The following MGAT5 variants were observed in gnomAD, a reference collection of about 807,000 sequenced individuals.
MGAT5 encodes the protein alpha-1,6-mannosylglycoprotein 6-beta-N-acetylglucosaminyltransferase.
Under a neutral mutation model 94.3 loss-of-function variants are expected in MGAT5, and 30 were observed. The observed-to-expected ratio is 0.32, with a 90% CI of 0.24 to 0.43. MGAT5 has a LOEUF of 0.43. Among genes scored for constraint, MGAT5 ranks in the 20% least tolerant of loss-of-function variants. The pLI is 1.00. For missense variants in MGAT5, 691 were observed against 905.5 expected, an observed-to-expected ratio of 0.76 and a Z score of 3.04; for synonymous variants, 310 against 322.9, an observed-to-expected ratio of 0.96 and a Z score of 0.43.
intron 1 of MGAT5, among the ~76,000 whole-genome samples, chr2:134,236,955 A>T (rs143790563): frequency 2.9e-4 from 44 of 152,294 alleles, no homozygotes; most frequent in African/African-American, 1.0e-3. Flanking sequence ...TATAGTTTTC[A>T]TCCTGTGGAA....
rs150111645 is a variant in MGAT5 at position 134,429,204 on chromosome 2, G to A, written c.1869+765G>A. Among the ~76,000 whole-genome samples, 53 of 152,344 alleles carry A rather than the reference G, an allele frequency of 3.5e-4. No homozygotes were observed. The East Asian group carries it at 8.9e-3, about 26-fold the overall frequency. On this transcript the variant is annotated intron_variant, in intron 14 of 15. Transcript: ENST00000281923. ...GGGATCTTTACACAATAGGGGATGA[G>A]GATGGTGCAAGCTGAAAATAGAAAT...
intron 1 of MGAT5, among the ~76,000 whole-genome samples, chr2:134,164,848 A>C (rs1687893244): frequency 6.6e-6 from 1 of 151,984 alleles, no homozygotes; most frequent in African/African-American, 2.4e-5. Context: ...TCAAAAAAAA[A>C]AAACCAAACC....
intron 7 of MGAT5, among the ~76,000 whole-genome samples, chr2:134,342,255 T>C (rs1688675534): frequency 1.3e-5 from 2 of 152,180 alleles, no homozygotes; most frequent in African/African-American, 4.8e-5. Flanking sequence ...CTTGGGTTTT[T>C]CATTTCACTG....
intron 1 of MGAT5, among the ~76,000 whole-genome samples, chr2:134,140,027 G>T (rs1686588883): frequency 6.6e-6 from 1 of 152,208 alleles, no homozygotes; most frequent in Non-Finnish European, 1.5e-5. Context: ...AAACTTGCTG[G>T]TGATGAAGAA....
upstream of MGAT5, among the ~76,000 whole-genome samples, chr2:134,250,814 G>T (rs768745547): frequency 6.6e-6 from 1 of 152,204 alleles, no homozygotes; most frequent in Non-Finnish European, 1.5e-5. Context: ...TCTGAACTGG[G>T]ATAATTTTAC....
At chr2:134,190,010 A>AT (rs1689288848) in intron 1 of MGAT5, among the ~76,000 whole-genome samples, 2 of 152,134 alleles carry the variant, frequency 1.3e-5, no homozygotes. Flanking sequence ...GCTTTTCTGA[A>AT]TTTGAGTCTT....
At chr2:134,310,698 C>T (rs569707249) in intron 2 of MGAT5, among the ~76,000 whole-genome samples, 1 of 152,248 alleles carries the variant, frequency 6.6e-6, no homozygotes, top group South Asian at 2.1e-4. Context: ...TTACAGAAAT[C>T]AAATTACTTT....
chr2:134,347,103 A>C (rs1053117089), intron 8 of MGAT5, among the ~76,000 whole-genome samples: 1 of 152,212 alleles, frequency 6.6e-6, no homozygotes, highest in Admixed American at 6.5e-5. Flanking sequence ...TAGAGGGAAG[A>C]CATAAATATT....
intron 10 of MGAT5, among the ~76,000 whole-genome samples, chr2:134,373,131 G>A (rs1022830034): frequency 1.3e-5 from 2 of 152,228 alleles, no homozygotes; most frequent in East Asian, 3.8e-4. Flanking sequence ...GCGGTGTTGA[G>A]GGATGGGAAA....
chr2:134,353,543 A>G (rs1351586670), intron 9 of MGAT5, among the ~76,000 whole-genome samples: 1 of 152,212 alleles, frequency 6.6e-6, no homozygotes, highest in Non-Finnish European at 1.5e-5. Flanking sequence ...TCATTACTGT[A>G]AAAAGTAAAG....
chr2:134,438,448 C>T (rs759357138), intron 14 of MGAT5, among the ~76,000 whole-genome samples: 9 of 152,222 alleles, frequency 5.9e-5, no homozygotes, highest in Non-Finnish European at 1.2e-4. Flanking sequence ...CTCTGATCAT[C>T]AGTAACTCCA....
At chr2:134,171,995 A>C (rs912284362) in intron 1 of MGAT5, among the ~76,000 whole-genome samples, 1 of 152,182 alleles carries the variant, frequency 6.6e-6, no homozygotes, top group Admixed American at 6.5e-5. Context: ...ATCTCTGGCT[A>C]TCTGGTGAAG....
chr2:134,424,598 T>C (rs1469962897), intron 13 of MGAT5, among the ~76,000 whole-genome samples: 1 of 152,214 alleles, frequency 6.6e-6, no homozygotes, highest in African/African-American at 2.4e-5. Context: ...AGGTTCTTCT[T>C]TCTTGATTCT....
At chr2:134,121,184 C>T (rs1477767075) in intron 1 of MGAT5, among the ~76,000 whole-genome samples, 2 of 152,198 alleles carry the variant, frequency 1.3e-5, no homozygotes, top group Admixed American at 6.5e-5. Flanking sequence ...ACGCGCACTG[C>T]TCTCCCCGGC....
chr2:134,259,047 A>G (rs1257221), intron 1 of MGAT5, among the ~76,000 whole-genome samples: 1 of 152,090 alleles, frequency 6.6e-6, no homozygotes, highest in Admixed American at 6.5e-5. Context: ...AGACTTCTGA[A>G]CTTCTTTGGG....
intron 1 of MGAT5, among the ~76,000 whole-genome samples, chr2:134,248,103 A>G (rs1186467681): frequency 1.3e-5 from 2 of 152,162 alleles, no homozygotes; most frequent in Admixed American, 1.3e-4. Flanking sequence ...CTGCCTCTTC[A>G]AGGGTTTTAC....
intron 10 of MGAT5, among the ~76,000 whole-genome samples, chr2:134,383,669 A>ATAGG (rs1681770198): frequency 6.6e-6 from 1 of 151,628 alleles, no homozygotes; most frequent in South Asian, 2.1e-4. Flanking sequence ...TGCAGCCCAC[A>ATAGG]TACCTGTCAC....
In MGAT5 at chr2:134,254,564, G is replaced by A. The variant is rs1308899679; in HGVS notation, c.161G>A (p.Ser54Asn). ...SMLREQILDLSKRYIKALAEE... is the reference protein window; with the variant it reads ...SMLREQILDLNKRYIKALAEE... ...CTGCGCGAGCAGATCCTGGACCTCA[G>A]CAAAAGGTACATCAAGGCACTGGCA... Residue 54 changes from serine (S) to asparagine (N), a missense_variant, in exon 1 of 16, where the codon AGC becomes AAC. Coordinates refer to ENST00000281923, the MANE Select transcript of MGAT5 (RefSeq NM_002410.5). 3 of 1,614,196 alleles carry A rather than the reference G, an allele frequency of 1.9e-6. No homozygotes were observed. Among genetic ancestry groups the A allele is most frequent in the Non-Finnish European group, 2.5e-6 (3 of 1,180,040 alleles).
chr2:134,174,768 A>T (rs1168861851), intron 1 of MGAT5, among the ~76,000 whole-genome samples: 1 of 152,230 alleles, frequency 6.6e-6, no homozygotes, highest in Non-Finnish European at 1.5e-5. Flanking sequence ...CCAATGCCTG[A>T]TCTTGGCTGG....
Sources: allele counts gnomAD v4.1 joint callset (sites outside exome capture counted in the v4.1 genomes callset), GRCh38; gene constraint gnomAD v4.1.1; transcripts MANE v1.5; gene names NCBI Gene and HGNC (gene_info 2026-07-23, HGNC 2026-07-21).